MYOZ2: variants seen among roughly 807,000 people sequenced by gnomAD.
MYOZ2 encodes myozenin-2.
MYOZ2 carries 19 observed loss-of-function variants against 25.4 expected under a neutral mutation model. That is an observed-to-expected ratio of 0.75 (90% confidence interval 0.52 to 1.10). The LOEUF (loss-of-function observed/expected upper bound fraction) is 1.10, where lower values mean the gene tolerates loss of function less well. Among genes scored for constraint, MYOZ2 ranks in the 50% least tolerant of loss-of-function variants. The pLI, the probability that MYOZ2 is intolerant of heterozygous loss-of-function variation, is 0.00. For synonymous variants in MYOZ2, 92 were observed against 106.9 expected (o/e 0.86, Z 0.86); for missense variants, 270 against 317.9 (o/e 0.85, Z 1.15).
chr4:119,149,263 G>A (rs1307661690), intron 2 of MYOZ2, among the ~76,000 whole-genome samples: 2 of 152,144 alleles, frequency 1.3e-5, no homozygotes, highest in Admixed American at 1.3e-4. Context: ...CTGGCCAAAA[G>A]GAATGAAAGT....
At chr4:119,140,954 T>A (rs1741147809) in intron 2 of MYOZ2, among the ~76,000 whole-genome samples, 1 of 152,238 alleles carries the variant, frequency 6.6e-6, no homozygotes, top group Non-Finnish European at 1.5e-5. Context: ...AACTTTTTTA[T>A]GTAGAGATAA....
rs6828875 is a variant in MYOZ2 at position 119,151,078 on chromosome 4, G to C, written c.246+37G>C. On this transcript the variant is annotated intron_variant, in intron 3 of 5. Coordinates refer to ENST00000307128, the MANE Select transcript of MYOZ2 (RefSeq NM_016599.5). ...TTGAACAGGTAGTATCCAAATGAAT[G>C]CGCAATATTTCTAAATTTGTATTTA... The C allele has an allele frequency of 0.69, 1,063,474 of 1,549,666 alleles. 372,670 individuals carry two copies. Among genetic ancestry groups the C allele is most frequent in the Non-Finnish European group, 0.73 (814,606 of 1,123,436 alleles).
intron 5 of MYOZ2, among the ~76,000 whole-genome samples, chr4:119,177,714 T>G (rs1363631156): frequency 1.3e-5 from 2 of 152,196 alleles, no homozygotes; most frequent in Non-Finnish European, 2.9e-5. Context: ...TTGCCTGCCT[T>G]GTTCCTAAAG....
intron 5 of MYOZ2, among the ~76,000 whole-genome samples, chr4:119,173,989 C>G (rs932806855): frequency 6.6e-6 from 1 of 152,258 alleles, no homozygotes; most frequent in African/African-American, 2.4e-5. Context: ...CGGCGCTGCA[C>G]TTGATTTCTC....
At chr4:119,136,760 TA>T (rs1741034129) in intron 2 of MYOZ2, among the ~76,000 whole-genome samples, 159 bp downstream of exon 2, 2 of 152,306 alleles carry the variant, frequency 1.3e-5, no homozygotes, top group African/African-American at 4.8e-5. Context: ...CTATGGTAAC[TA>T]ATCCTTTTGT....
At chr4:119,146,291 T>A (rs1244741658) in intron 2 of MYOZ2, among the ~76,000 whole-genome samples, 1 of 152,036 alleles carries the variant, frequency 6.6e-6, no homozygotes, top group African/African-American at 2.4e-5. Flanking sequence ...TTCATCTTTT[T>A]TTTTTAGATT....
chr4:119,182,498 C>G (rs1202357861), intron 5 of MYOZ2, among the ~76,000 whole-genome samples: 1 of 151,926 alleles, frequency 6.6e-6, no homozygotes, highest in African/African-American at 2.4e-5. Flanking sequence ...GCACCAGGGA[C>G]CAGTTTCGTG....
chr4:119,150,140 C>T (rs372357963), intron 2 of MYOZ2, among the ~76,000 whole-genome samples: 222 of 152,194 alleles, frequency 1.5e-3, no homozygotes, highest in African/African-American at 5.1e-3. Context: ...GGAAATAACA[C>T]TCATTTACTG....
intron 1 of MYOZ2, 146 bp from the exon 2 acceptor site, chr4:119,136,366 A>G (rs1741021157): frequency 1.4e-6 from 1 of 699,580 alleles, no homozygotes; most frequent in Admixed American, 2.3e-5. Flanking sequence ...GTCACCAGAT[A>G]AGGAATGCGT....
chr4:119,172,669 C>A (rs1204458198), intron 5 of MYOZ2, among the ~76,000 whole-genome samples: 1 of 152,204 alleles, frequency 6.6e-6, no homozygotes, highest in Non-Finnish European at 1.5e-5. Flanking sequence ...AACTTCTGAT[C>A]TTGTGGCTGA....
chr4:119,150,867 T>C lies in MYOZ2; in HGVS notation c.77-5T>C. On this transcript the variant is annotated splice_polypyrimidine_tract_variant and splice_region_variant and intron_variant, in intron 2 of 5. Transcript: ENST00000307128. ...ATTTTTACTCATATGAATATTGTTTTACAGATGTTGATGGCATGGACCTGG... is the reference window on the plus strand; with the variant it reads ...ATTTTTACTCATATGAATATTGTTTCACAGATGTTGATGGCATGGACCTGG... 1 of 1,613,214 alleles carries C rather than the reference T, an allele frequency of 6.2e-7. No individual in the cohort carries two copies. Among genetic ancestry groups the C allele is most frequent in the Admixed American group, 1.7e-5 (1 of 60,006 alleles).
intron 4 of MYOZ2, among the ~76,000 whole-genome samples, chr4:119,158,836 G>T (rs116020932): frequency 6.6e-6 from 1 of 152,080 alleles, no homozygotes; most frequent in Non-Finnish European, 1.5e-5. Context: ...AAATTAAGAC[G>T]TTGAGGTTAT....
At chr4:119,174,909 A>G (rs1235913581) in intron 5 of MYOZ2, among the ~76,000 whole-genome samples, 1 of 152,190 alleles carries the variant, frequency 6.6e-6, no homozygotes, top group East Asian at 1.9e-4. Flanking sequence ...GCCCACCAGG[A>G]GGAACGAACA....
At chr4:119,184,020 G>A (rs1742245184) in intron 5 of MYOZ2, among the ~76,000 whole-genome samples, 1 of 151,910 alleles carries the variant, frequency 6.6e-6, no homozygotes, top group African/African-American at 2.4e-5. Context: ...TCTCCATGTT[G>A]GTCAGGCTGG....
At chr4:119,183,962 G>A (rs1199660710) in intron 5 of MYOZ2, among the ~76,000 whole-genome samples, 2 of 151,858 alleles carry the variant, frequency 1.3e-5, no homozygotes, top group African/African-American at 4.8e-5. Flanking sequence ...TTACAGGCAT[G>A]CGCCACCATG....
intron 2 of MYOZ2, among the ~76,000 whole-genome samples, chr4:119,150,512 A>AGGCCGGGCGC (rs1373730892): frequency 6.6e-6 from 1 of 151,254 alleles, no homozygotes; most frequent in Admixed American, 6.6e-5. Context: ...TGTGGGGAGC[A>AGGCCGGGCGC]AAACAGAGTT....
At chr4:119,173,781 T>G (rs1226791172) in intron 5 of MYOZ2, among the ~76,000 whole-genome samples, 2 of 152,004 alleles carry the variant, frequency 1.3e-5, no homozygotes, top group African/African-American at 2.4e-5. Flanking sequence ...CAGGGAGCTG[T>G]GGAGGGAGAG....
intron 4 of MYOZ2, among the ~76,000 whole-genome samples, chr4:119,162,463 C>T (rs1741732688): frequency 6.6e-6 from 1 of 152,156 alleles, no homozygotes; most frequent in African/African-American, 2.4e-5. Context: ...AGTGTTGAAG[C>T]TGTGGCAAAC....
chr4:119,152,250 C>T (rs1435696399), intron 3 of MYOZ2, among the ~76,000 whole-genome samples: 1 of 151,752 alleles, frequency 6.6e-6, no homozygotes, highest in Non-Finnish European at 1.5e-5. Context: ...ATAAGTATGC[C>T]CAGTAACCTC....
Sources: allele counts gnomAD v4.1 joint callset (sites outside exome capture counted in the v4.1 genomes callset), GRCh38; gene constraint gnomAD v4.1.1; transcripts MANE v1.5; gene names NCBI Gene and HGNC (gene_info 2026-07-23, HGNC 2026-07-21).